MYO5C: variants seen among roughly 807,000 people sequenced by gnomAD.
The protein encoded by MYO5C is myosin VC.
In MYO5C, 194 loss-of-function variants were observed where a neutral mutation model predicts 235.7. That is an observed-to-expected ratio of 0.82 (90% CI 0.73 to 0.93). The LOEUF (loss-of-function observed/expected upper bound fraction) is 0.93, where lower values mean the gene tolerates loss of function less well. Ranked by LOEUF, MYO5C falls within the 40% of genes least tolerant of loss-of-function variation. The pLI is 0.00. For synonymous variants in MYO5C, 707 were observed against 754.8 expected, an observed-to-expected ratio of 0.94 and a Z score of 1.04; for missense variants, 2,038 against 2,127.2, an observed-to-expected ratio of 0.96 and a Z score of 0.82.
In MYO5C at chr15:52,196,311, G is replaced by C; in HGVS notation, c.4993C>G (p.Gln1665Glu). The C allele has an allele frequency of 6.2e-7, 1 of 1,606,192 alleles. No homozygotes were observed. The highest frequency in any genetic ancestry group is 8.5e-7 in the Non-Finnish European group (1 of 1,176,908). The change falls in exon 39 of 41, where the codon CAG becomes GAG. Residue 1665 changes from glutamine to glutamate, a missense_variant and splice_region_variant. Transcript: ENST00000261839. ...AGACACTAAGCAAGCCTGGTCACCTGCACAGCAGACAGTGAGGTGCAGCGT... is the reference window on the plus strand; with the variant it reads ...AGACACTAAGCAAGCCTGGTCACCTCCACAGCAGACAGTGAGGTGCAGCGT... The part of the protein sequence containing the change: ...YERCTSLSAV[Q>E]IIKILNSYTP...
intron 4 of MYO5C, chr15:52,277,739 G>A (rs2037082873): frequency 4.8e-6 from 2 of 418,998 alleles, no homozygotes; most frequent in Non-Finnish European, 9.5e-6. Context: ...CCACCCCAGG[G>A]ACAGGGAGCT....
chr15:52,269,742 T>C lies in MYO5C; in HGVS notation c.940+11A>G, dbSNP rs1596215077. ...AATGGCTACATACTTGGATGGGATA[T>C]TTTCCCTTACCCAGAAGCGTGAAGG... is the stretch of plus-strand genomic sequence containing the variant. On this transcript the variant is annotated intron_variant, in intron 8 of 40. Transcript: ENST00000261839. The C allele has an allele frequency of 6.3e-7, 1 of 1,583,966 alleles. No individual in the cohort carries two copies. The highest frequency in any genetic ancestry group is 2.2e-5 in the East Asian group (1 of 44,732).
chr15:52,280,276 G>C (rs1259623199), intron 2 of MYO5C, among the ~76,000 whole-genome samples: 1 of 152,206 alleles, frequency 6.6e-6, no homozygotes, highest in African/African-American at 2.4e-5. Context: ...TTGCCCACAT[G>C]CCCGAGGGCT....
chr15:52,256,256 T>C (rs183756409), intron 11 of MYO5C, among the ~76,000 whole-genome samples: 1 of 151,956 alleles, frequency 6.6e-6, no homozygotes, highest in Non-Finnish European at 1.5e-5. Context: ...CACGTGAAGA[T>C]AAAGCAATGG....
In MYO5C at chr15:52,272,572, ATACT is replaced by A. The variant is rs761759952; in HGVS notation, c.750+4_750+7del. 1.3e-4 allele frequency: 217 copies of A among 1,609,800 alleles called. No individual in the cohort carries two copies. The highest frequency in any genetic ancestry group is 1.8e-4 in the Non-Finnish European group (209 of 1,178,838). On this transcript the variant is annotated splice_donor_5th_base_variant and intron_variant, in intron 6 of 40. Transcript: ENST00000261839. ...AAAAAGTTGGGGAAAAGGAAATTTA[ATACT>A]TACTTGAAAGACAACTCTGGATTTC...
At chr15:52,211,528 G>A (rs1018144486) in intron 35 of MYO5C, among the ~76,000 whole-genome samples, 7 of 152,120 alleles carry the variant, frequency 4.6e-5, no homozygotes, top group African/African-American at 1.4e-4. Context: ...CAGTCTCGCC[G>A]GTAAGGCTTT....
chr15:52,223,402 A>G, intron 29 of MYO5C, 142 bp downstream of exon 29: 1 of 748,126 alleles, frequency 1.3e-6, no homozygotes, highest in Non-Finnish European at 2.1e-6. Context: ...TTTATAGTTT[A>G]ATCACCAGAC....
At chr15:52,272,518 T>C in intron 6 of MYO5C, 62 bp downstream of exon 6, 1 of 1,535,704 alleles carries the variant, frequency 6.5e-7, no homozygotes, top group Non-Finnish European at 9.0e-7. Flanking sequence ...TGAGTATGTA[T>C]AATAAGTATG....
At chr15:52,219,174 A>T (rs1010066818) in intron 31 of MYO5C, among the ~76,000 whole-genome samples, 12 of 152,192 alleles carry the variant, frequency 7.9e-5, no homozygotes, top group Admixed American at 7.2e-4. Flanking sequence ...GCTCTTGGGG[A>T]TGTCAAGTGC....
At chr15:52,220,720 A>C in intron 30 of MYO5C, among the ~76,000 whole-genome samples, 1 of 151,632 alleles carries the variant, frequency 6.6e-6, no homozygotes, top group Middle Eastern at 3.2e-3. Flanking sequence ...TGATATACTC[A>C]GGAGGCTGTG....
At chr15:52,241,312 T>G (rs1432282872) in intron 20 of MYO5C, among the ~76,000 whole-genome samples, 1 of 129,394 alleles carries the variant, frequency 7.7e-6, no homozygotes, top group East Asian at 2.4e-4. Context: ...CAGGCTGGAG[T>G]GCAGTGGTGC....
chr15:52,204,228 T>C (rs1019620280), intron 38 of MYO5C, among the ~76,000 whole-genome samples: 1 of 151,530 alleles, frequency 6.6e-6, no homozygotes, highest in Non-Finnish European at 1.5e-5. Flanking sequence ...GCTCTTTACC[T>C]TGGTCCTGCT....
chr15:52,263,834 G>T (rs2036744023), intron 9 of MYO5C, among the ~76,000 whole-genome samples: 1 of 152,102 alleles, frequency 6.6e-6, no homozygotes, highest in Non-Finnish European at 1.5e-5. Context: ...TGCTTGTTGT[G>T]TCTCCTCCCT....
chr15:52,236,143 T>A (rs1380305922), intron 22 of MYO5C, among the ~76,000 whole-genome samples: 1 of 152,254 alleles, frequency 6.6e-6, no homozygotes, highest in Admixed American at 6.5e-5. Flanking sequence ...ATTCACACTT[T>A]GCAACTGTTA....
intron 16 of MYO5C, 139 bp from the exon 17 acceptor site, chr15:52,246,181 CA>C: frequency 3.0e-6 from 2 of 659,180 alleles, no homozygotes; most frequent in South Asian, 3.7e-5. Context: ...ATTGCATGAC[CA>C]AGAAAAATAG....
chr15:52,288,190 C>A (rs1020584132), intron 1 of MYO5C, among the ~76,000 whole-genome samples: 4 of 152,118 alleles, frequency 2.6e-5, no homozygotes, highest in Non-Finnish European at 1.5e-5. Context: ...AAACAGCAGA[C>A]AGAGTCTCAA....
At chr15:52,282,255 C>T (rs2037175051) in intron 2 of MYO5C, among the ~76,000 whole-genome samples, 1 of 152,196 alleles carries the variant, frequency 6.6e-6, no homozygotes, top group Admixed American at 6.5e-5. Flanking sequence ...CCCTCCCTTA[C>T]ACATTTCTAT....
intron 25 of MYO5C, 99 bp from the exon 26 acceptor site, chr15:52,225,631 A>C: frequency 2.5e-6 from 2 of 809,702 alleles, no homozygotes; most frequent in Non-Finnish European, 4.3e-6. Flanking sequence ...TGTCTATGCA[A>C]GACATCCTCA....
At chr15:52,271,127 T>C (rs1055976726) in intron 7 of MYO5C, among the ~76,000 whole-genome samples, 6 of 152,212 alleles carry the variant, frequency 3.9e-5, no homozygotes, top group Admixed American at 6.5e-5. Flanking sequence ...GGTTAACATG[T>C]CATGTTCAAA....
Sources: gnomAD v4.1 joint callset for allele counts (sites outside exome capture counted in the v4.1 genomes callset) on GRCh38, gnomAD v4.1.1 for gene constraint, MANE v1.5 for transcripts, NCBI Gene and HGNC (gene_info 2026-07-23, HGNC 2026-07-21) for gene names.